The following VCL variants were observed in gnomAD, a reference collection of about 807,000 sequenced individuals.
The protein encoded by VCL is vinculin.
Under a neutral mutation model 125.7 loss-of-function variants are expected in VCL, and 47 were observed. The ratio of observed to expected loss-of-function variants is 0.37; its 90% confidence interval spans 0.30 to 0.48. The LOEUF (loss-of-function observed/expected upper bound fraction) is 0.48, where lower values mean the gene tolerates loss of function less well. VCL is among the 20% of genes least tolerant of loss of function. VCL has a pLI of 0.99. For synonymous variants in VCL, 458 were observed against 514.6 expected (o/e 0.89, Z 1.49); for missense variants, 1,069 against 1,455.5 (o/e 0.73, Z 4.32).
chr10:74,107,445 C>G (rs2131931652), intron 17 of VCL, 91 bp downstream of exon 17: 1 of 1,595,810 alleles, frequency 6.3e-7, no homozygotes, highest in East Asian at 2.2e-5. Context: ...GCCTCCATCA[C>G]TAGGTGGCTT....
At chr10:74,106,902 C>G (rs189793201) in intron 16 of VCL, among the ~76,000 whole-genome samples, 1 of 152,308 alleles carries the variant, frequency 6.6e-6, no homozygotes, top group African/African-American at 2.4e-5. Flanking sequence ...GCAGGCTTAT[C>G]TCTTGACTGC....
chr10:74,075,351 C>G (rs931146837), intron 6 of VCL: 1 of 165,678 alleles, frequency 6.0e-6, no homozygotes, highest in African/African-American at 2.4e-5. Flanking sequence ...AAACTCTTGG[C>G]ATTTCTAGAT....
intron 1 of VCL, among the ~76,000 whole-genome samples, chr10:74,021,956 A>G (rs1057155205): frequency 1.3e-5 from 2 of 151,548 alleles, no homozygotes; most frequent in Non-Finnish European, 2.9e-5. Flanking sequence ...CTTCCTTTCC[A>G]TTACTGCCAA....
intron 6 of VCL, among the ~76,000 whole-genome samples, chr10:74,080,865 C>G (rs1219670896): frequency 6.6e-6 from 1 of 152,174 alleles, no homozygotes; most frequent in Non-Finnish European, 1.5e-5. Context: ...GTTATTGATT[C>G]AGGCCTTGCT....
chr10:74,015,967 G>A (rs1205093244), intron 1 of VCL, among the ~76,000 whole-genome samples: 1 of 152,140 alleles, frequency 6.6e-6, no homozygotes, highest in African/African-American at 2.4e-5. Context: ...TTATAGGCAT[G>A]AGCCACTACG....
intron 8 of VCL, among the ~76,000 whole-genome samples, chr10:74,087,898 C>T (rs1277215097): frequency 6.6e-6 from 1 of 152,128 alleles, no homozygotes; most frequent in Non-Finnish European, 1.5e-5. Context: ...ATTGCTTGAA[C>T]TACTTGAGAG....
At chr10:74,033,893 A>G (rs910888735) in intron 1 of VCL, among the ~76,000 whole-genome samples, 1 of 151,982 alleles carries the variant, frequency 6.6e-6, no homozygotes, top group African/African-American at 2.4e-5. Flanking sequence ...CACCCTCCAC[A>G]TGGAGTGTCA....
intron 1 of VCL, among the ~76,000 whole-genome samples, chr10:74,005,503 G>A (rs111843826): frequency 0.013 from 1,972 of 152,130 alleles, 22 homozygotes; most frequent in Non-Finnish European, 0.021. Context: ...TGATCCACCC[G>A]CCTTGGCCTC....
chr10:74,057,689 T>G (rs1455047904), intron 2 of VCL, among the ~76,000 whole-genome samples: 1 of 152,174 alleles, frequency 6.6e-6, no homozygotes, highest in Non-Finnish European at 1.5e-5. Context: ...CCCAGCACTT[T>G]GGGAGGCTGA....
chr10:74,110,453 C>T (rs2131935382), intron 18 of VCL, among the ~76,000 whole-genome samples: 1 of 152,298 alleles, frequency 6.6e-6, no homozygotes, highest in Non-Finnish European at 1.5e-5. Context: ...TGTGTGAAGT[C>T]AGAAGCTACT....
At chr10:74,007,489 A>G (rs1459067608) in intron 1 of VCL, among the ~76,000 whole-genome samples, 1 of 151,936 alleles carries the variant, frequency 6.6e-6, no homozygotes, top group East Asian at 2.0e-4. Context: ...TCTCCGGGTT[A>G]TAGGTATGCA....
chr10:74,047,079 A>G (rs1302529792), intron 2 of VCL, among the ~76,000 whole-genome samples: 3 of 152,206 alleles, frequency 2.0e-5, no homozygotes, highest in Admixed American at 6.5e-5. Flanking sequence ...GAGTAGCCCA[A>G]TAGCCCTAGT....
intron 19 of VCL, among the ~76,000 whole-genome samples, chr10:74,113,104 G>A (rs1840254732): frequency 2.6e-5 from 4 of 152,216 alleles, no homozygotes; most frequent in African/African-American, 9.6e-5. Flanking sequence ...GCAGTGGTAT[G>A]GTTTGTGTAT....
chr10:74,069,682 TAGTC>T (rs1841631728), intron 2 of VCL, among the ~76,000 whole-genome samples: 2 of 152,228 alleles, frequency 1.3e-5, no homozygotes, highest in African/African-American at 4.8e-5. Context: ...CTTTGTAAGT[TAGTC>T]AGTCACAACA....
At chr10:74,095,877 C>A in intron 12 of VCL, 22 bp downstream of exon 12, 1 of 1,610,502 alleles carries the variant, frequency 6.2e-7, no homozygotes, top group South Asian at 1.1e-5. Context: ...GAGCACATAT[C>A]ATTTTACTTT....
At chr10:74,029,413 A>G (rs1159096934) in intron 1 of VCL, among the ~76,000 whole-genome samples, 2 of 152,134 alleles carry the variant, frequency 1.3e-5, no homozygotes, top group Non-Finnish European at 2.9e-5. Flanking sequence ...GCGCCTGGCC[A>G]GAAGAATCTT....
intron 17 of VCL, among the ~76,000 whole-genome samples, chr10:74,107,699 G>A (rs1203822693): frequency 6.6e-6 from 1 of 152,122 alleles, no homozygotes; most frequent in Non-Finnish European, 1.5e-5. Flanking sequence ...CTTGGAGTAA[G>A]GAGATTTGGT....
In VCL at chr10:74,083,296, A is replaced by G. The variant is rs549996683; in HGVS notation, c.875-70A>G. The G allele has an allele frequency of 1.3e-4, 214 of 1,594,478 alleles. 1 individual carries two copies. In the East Asian group the frequency reaches 4.4e-3, roughly 33 times the overall value. On this transcript the variant is annotated intron_variant, in intron 7 of 21. Transcript: ENST00000211998. Reference sequence around the variant, plus strand: ...CATCCATTCCTTGGTGAATGAAATGACTTGTAAAGTATCCTCTCTAAATAA... The same window carrying G: ...CATCCATTCCTTGGTGAATGAAATGGCTTGTAAAGTATCCTCTCTAAATAA...
At chr10:74,031,247 AC>A (rs902093654) in intron 1 of VCL, among the ~76,000 whole-genome samples, 1 of 150,516 alleles carries the variant, frequency 6.6e-6, no homozygotes, top group Non-Finnish European at 1.5e-5. Flanking sequence ...TTCCCCCACC[AC>A]CCCCCTTGTC....
Sources: allele counts gnomAD v4.1 joint callset (sites outside exome capture counted in the v4.1 genomes callset), GRCh38; gene constraint gnomAD v4.1.1; transcripts MANE v1.5; gene names NCBI Gene and HGNC (gene_info 2026-07-23, HGNC 2026-07-21).